Variants in ZNF212 observed in about 807,000 individuals in gnomAD.
ZNF212 encodes the protein Zinc finger protein C2H2-150.
A neutral mutation model predicts 47.3 loss-of-function variants in ZNF212; 32 were observed. The ratio of observed to expected loss-of-function variants is 0.68; its 90% CI spans 0.51 to 0.91. The LOEUF is 0.91. Among genes scored for constraint, ZNF212 ranks in the 40% least tolerant of loss-of-function variants. The pLI, the probability that ZNF212 is intolerant of heterozygous loss-of-function variation, is 0.00. For missense variants in ZNF212, 555 were observed against 622.8 expected, an observed-to-expected ratio of 0.89 and a Z score of 1.16; for synonymous variants, 242 against 253.8, an observed-to-expected ratio of 0.95 and a Z score of 0.44.
At chr7:149,243,299 A>G (rs1796622597) in intron 1 of ZNF212, among the ~76,000 whole-genome samples, 2 of 152,062 alleles carry the variant, frequency 1.3e-5, no homozygotes, top group African/African-American at 4.8e-5. Context: ...AGGCTGAGGC[A>G]GGAGACTGGC....
At chr7:149,244,447 G>T (rs1796646783) in intron 1 of ZNF212, among the ~76,000 whole-genome samples, 1 of 152,060 alleles carries the variant, frequency 6.6e-6, no homozygotes, top group Admixed American at 6.5e-5. Flanking sequence ...CCAGTGGCTG[G>T]GACTGCAGGA....
Position 149,250,257 on chromosome 7 carries a change from C to T in ZNF212, c.123C>T (p.Leu41=), listed in dbSNP as rs1021151061. The T allele has an allele frequency of 1.2e-6, 2 of 1,610,714 alleles. No individual in the cohort carries two copies. The highest frequency in any genetic ancestry group is 2.2e-5 in the East Asian group (1 of 44,846). ...SSYFQTTEIS[L]WTVVAAIQAV... Reference sequence around the variant, plus strand: ...ATTTTCAGACCACCGAGATTTCACTCTGGACGGTGGTGGCCGCTATTCAGG... The same window carrying T: ...ATTTTCAGACCACCGAGATTTCACTTTGGACGGTGGTGGCCGCTATTCAGG... Residue 41 remains leucine, a synonymous_variant, in exon 2 of 5, where the codon CTC becomes CTT. Coordinates refer to ENST00000335870, the MANE Select transcript of ZNF212 (RefSeq NM_012256.4).
At position 149,253,615 on chromosome 7, in the gene ZNF212, C is replaced by G. The variant is rs139675808; in HGVS notation, c.688C>G (p.Leu230Val). 46 of 1,613,938 alleles carry G rather than the reference C, an allele frequency of 2.9e-5. No individual in the cohort carries two copies. The highest frequency in any genetic ancestry group is 3.5e-5 in the Non-Finnish European group (41 of 1,179,948). The change falls in exon 5 of 5, where the codon CTT becomes GTT. Residue 230 changes from leucine (L) to valine (V), a missense_variant. Coordinates refer to ENST00000335870, the MANE Select transcript of ZNF212 (RefSeq NM_012256.4). ...LQYTQEGPAD[L>V]PGEFSCIAEE... ...GTATACACAGGAAGGCCCTGCGGAT[C>G]TTCCTGGAGAGTTCTCATGCATTGC...
At chr7:149,242,313 C>T (rs58708743) in intron 1 of ZNF212, among the ~76,000 whole-genome samples, 4,736 of 151,334 alleles carry the variant, frequency 0.031, 231 homozygotes, top group East Asian at 0.22. Context: ...CATGAGCCAC[C>T]GCACCCGGCC....
At position 149,254,846 on chromosome 7, in the gene ZNF212, GT is replaced by G. The variant is rs1264701667; in HGVS notation, c.*434del. ...TTTTTTCTTGTTTTATAATCTCTTT[GT>G]TTAATAATAAGTAGAAGAAATAATT... On this transcript the variant is annotated 3_prime_UTR_variant, in exon 5 of 5. Coordinates refer to ENST00000335870, the MANE Select transcript of ZNF212 (RefSeq NM_012256.4). The surrounding 1 kb of genome is among the most constrained non-coding windows in gnomAD (Gnocchi z 4.5). 6.0e-6 allele frequency: 1 copy of G among 166,648 alleles called. No homozygotes were observed. The highest frequency in any genetic ancestry group is 6.0e-5 in the Admixed American group (1 of 16,536). 10.3% of individuals were successfully genotyped at this position (166,648 alleles called of 1,614,324 possible). A position where few individuals can be genotyped will look rare whatever the true frequency, so the allele number is the denominator to read the frequency against.
chr7:149,252,803 G>A lies in ZNF212; in HGVS notation c.631+8G>A. 4.3e-6 allele frequency: 7 copies of A among 1,613,448 alleles called. No homozygotes were observed. Among genetic ancestry groups the A allele is most frequent in the Non-Finnish European group, 5.9e-6 (7 of 1,179,780 alleles). On this transcript the variant is annotated splice_region_variant and intron_variant, in intron 4 of 4. Transcript: ENST00000335870. ...CTGGTGGTGCCCACCCAGGTGAGTG[G>A]CTCTGGAATATTCTGTTCCCCTTCC...
intron 3 of ZNF212, among the ~76,000 whole-genome samples, chr7:149,252,170 CAA>C (rs1273549536): frequency 6.6e-6 from 1 of 151,984 alleles, no homozygotes; most frequent in Non-Finnish European, 1.5e-5. Context: ...GTTTGGTAGA[CAA>C]AGTCTTTTAA....
At chr7:149,246,427 G>A (rs1311915649) in intron 1 of ZNF212, among the ~76,000 whole-genome samples, 1 of 150,638 alleles carries the variant, frequency 6.6e-6, no homozygotes, top group Admixed American at 6.6e-5. Flanking sequence ...CTGTTGCCCA[G>A]GCTGGAGTGC....
chr7:149,242,829 A>G (rs1290412478), intron 1 of ZNF212, among the ~76,000 whole-genome samples: 1 of 152,246 alleles, frequency 6.6e-6, no homozygotes, highest in African/African-American at 2.4e-5. Flanking sequence ...AGGGCCTTCT[A>G]TGTATGTTTC....
chr7:149,244,537 T>C (rs1486310387), intron 1 of ZNF212, among the ~76,000 whole-genome samples: 4 of 152,046 alleles, frequency 2.6e-5, no homozygotes, highest in Non-Finnish European at 4.4e-5. Flanking sequence ...ATGGTCGCGA[T>C]CTCCTGACCT....
rs2129524430 is a variant in ZNF212, at chr7:149,254,306, G to A, written c.1379G>A (p.Cys460Tyr). Residue 460 changes from cysteine (C) to tyrosine (Y), a missense_variant, in exon 5 of 5, where the codon TGT becomes TAT. Transcript: ENST00000335870. This position sits in a 1 kb window ranked among gnomAD's most constrained non-coding sequence, Gnocchi z 4.5. The stretch of plus-strand genomic sequence containing the variant: ...GAGCGGCCCTACAGCTGCACTGAGT[G>A]TGAGAAGAGCTTTGTCCAGAAGCAG... ...TGERPYSCTE[C>Y]EKSFVQKQHL... 2 of 1,614,036 alleles carry A rather than the reference G, an allele frequency of 1.2e-6. No individual in the cohort carries two copies. The highest frequency in any genetic ancestry group is 1.1e-5 in the South Asian group (1 of 91,090).
Position 149,254,206 on chromosome 7 carries a change from C to G in ZNF212, c.1279C>G (p.Leu427Val), listed in dbSNP as rs1423452498. ...CCCTTGGAGGAAAAGCCGGAGTTCC[C>G]TCATCTGTGGTTACTGTGGCAAGAG... ...HIPWRKSRSS[L>V]ICGYCGKSFS... is the part of the protein sequence containing the mutation. Residue 427 changes from leucine to valine, a missense_variant, in exon 5 of 5, where the codon CTC becomes GTC. Leu to Val is a conservative substitution (Grantham distance 32). Coordinates refer to ENST00000335870, the MANE Select transcript of ZNF212 (RefSeq NM_012256.4). This position sits in a 1 kb window ranked among gnomAD's most constrained non-coding sequence, Gnocchi z 4.5. The G allele has an allele frequency of 1.2e-6, 2 of 1,614,256 alleles. No individual in the cohort carries two copies. Among genetic ancestry groups the G allele is most frequent in the Non-Finnish European group, 1.7e-6 (2 of 1,180,044 alleles).
At chr7:149,245,298 G>C (rs1323341357) in intron 1 of ZNF212, among the ~76,000 whole-genome samples, 1 of 149,260 alleles carries the variant, frequency 6.7e-6, no homozygotes, top group African/African-American at 2.5e-5. Flanking sequence ...GCAGTAAGCT[G>C]AGATCATGCC....
chr7:149,246,533 C>T (rs944861423), intron 1 of ZNF212, among the ~76,000 whole-genome samples: 2 of 152,162 alleles, frequency 1.3e-5, no homozygotes, highest in African/African-American at 4.8e-5. Context: ...CAGGCACCTG[C>T]CACCACACCT....
rs115060945 is a variant in ZNF212, at chr7:149,253,184, A to G, written c.632-375A>G. Reference sequence around the variant, plus strand: ...GAACAGAGCTGGACATGAATTCTTAAGCTGTAGGTTTAGTTTGTCTTTAAT... The same window carrying G: ...GAACAGAGCTGGACATGAATTCTTAGGCTGTAGGTTTAGTTTGTCTTTAAT... On this transcript the variant is annotated intron_variant, in intron 4 of 4. Coordinates refer to ENST00000335870, the MANE Select transcript of ZNF212 (RefSeq NM_012256.4). Among the ~76,000 whole-genome samples the G allele has an allele frequency of 5.7e-3, 856 of 150,942 alleles. 10 individuals carry two copies. Among genetic ancestry groups the G allele is most frequent in the African/African-American group, 0.02 (810 of 40,916 alleles).
chr7:149,242,373 T>G (rs956400320), intron 1 of ZNF212, among the ~76,000 whole-genome samples: 1 of 151,644 alleles, frequency 6.6e-6, no homozygotes, highest in Admixed American at 6.6e-5. Context: ...AAGACTACCT[T>G]GAAATGAAGT....
chr7:149,243,119 C>T (rs1157075448), intron 1 of ZNF212, among the ~76,000 whole-genome samples: 7 of 152,042 alleles, frequency 4.6e-5, no homozygotes, highest in South Asian at 2.1e-4. Flanking sequence ...ACCGGCTGGG[C>T]GTGGTGGCTC....
At chr7:149,250,076 C>A in intron 1 of ZNF212, 83 bp from the exon 2 acceptor site, 1 of 1,327,930 alleles carries the variant, frequency 7.5e-7, no homozygotes, top group South Asian at 2.4e-5. Context: ...AACTAGATAA[C>A]TCTGAGCACT....
chr7:149,253,424 T>C, intron 4 of ZNF212, 135 bp from the exon 5 acceptor site: 1 of 1,082,446 alleles, frequency 9.2e-7, no homozygotes, highest in Non-Finnish European at 1.3e-6. Flanking sequence ...ACCTAGCCAG[T>C]GTCATCCTCC....
Sources: allele counts gnomAD v4.1 joint callset (sites outside exome capture counted in the v4.1 genomes callset), GRCh38; gene constraint gnomAD v4.1.1; non-coding constraint Gnocchi (gnomAD v3.1); transcripts MANE v1.5; gene names NCBI Gene and HGNC (gene_info 2026-07-23, HGNC 2026-07-21).